UBR1: variants seen among roughly 807,000 people sequenced by gnomAD.
UBR1 encodes the protein E3 ubiquitin-protein ligase UBR1.
A neutral mutation model predicts 242.1 loss-of-function variants in UBR1; 102 were observed. The observed-to-expected ratio is 0.42, with a 90% confidence interval of 0.36 to 0.50. UBR1 has a LOEUF of 0.50. Ranked by LOEUF, UBR1 falls within the 20% of genes least tolerant of loss-of-function variation. The probability of loss-of-function intolerance (pLI) is 0.01; values close to 1 mark genes in which losing one functional copy is unlikely to be tolerated. For synonymous variants in UBR1, 675 were observed against 684.8 expected (o/e 0.99, Z 0.22); for missense variants, 1,772 against 2,101.8 (o/e 0.84, Z 3.07).
chr15:43,026,640 C>G lies in UBR1; in HGVS notation c.2456G>C (p.Gly819Ala). 6.2e-7 allele frequency: 1 copy of G among 1,612,886 alleles called. No homozygotes were observed. ...TFKKPGVSGH[G>A]VYELKDESLK... ...TGATTCATCTTTTAGTTCATAAACT[C>G]CATGGCCTGATACACCTGGTTTCCT... The change falls in exon 23 of 47, where the codon GGA (glycine) becomes GCA (alanine). Residue 819 changes from glycine (G) to alanine (A), a missense_variant. By Grantham distance (60) the Gly-to-Ala change is moderately conservative. Around this residue, in one of 3 missense-constraint regions of UBR1, gnomAD observed 73 missense variants for 128.9 expected, o/e 0.57. Transcript: ENST00000290650.
At chr15:43,069,966 G>A (rs1289875139) in intron 5 of UBR1, among the ~76,000 whole-genome samples, 1 of 152,106 alleles carries the variant, frequency 6.6e-6, no homozygotes, top group Admixed American at 6.5e-5. Context: ...AGCCTAATAA[G>A]AGTCAAAATA....
At chr15:43,012,405 G>A (rs572720034) in intron 29 of UBR1, among the ~76,000 whole-genome samples, 200 of 152,268 alleles carry the variant, frequency 1.3e-3, no homozygotes, top group African/African-American at 4.7e-3. Context: ...TGCATAGAAA[G>A]AGGTCTAAGA....
intron 6 of UBR1, among the ~76,000 whole-genome samples, chr15:43,066,931 T>C (rs1567141852): frequency 6.6e-6 from 1 of 152,164 alleles, no homozygotes; most frequent in Non-Finnish European, 1.5e-5. Flanking sequence ...GCCCCTAGAA[T>C]CTGCATTTTT....
At chr15:43,102,075 G>A (rs191718197) in intron 1 of UBR1, among the ~76,000 whole-genome samples, 1 of 151,360 alleles carries the variant, frequency 6.6e-6, no homozygotes, top group African/African-American at 2.4e-5. Context: ...GGGACAAAGA[G>A]GTTGCAATGA....
chr15:43,062,869 A>T (rs895327631), intron 6 of UBR1, among the ~76,000 whole-genome samples: 10 of 152,000 alleles, frequency 6.6e-5, no homozygotes, highest in African/African-American at 2.2e-4. Flanking sequence ...CCCAATTCTG[A>T]TTTCCTAGGC....
intron 39 of UBR1, among the ~76,000 whole-genome samples, chr15:42,974,132 C>A (rs986743806): frequency 6.6e-6 from 1 of 152,182 alleles, no homozygotes; most frequent in East Asian, 1.9e-4. Context: ...TCGTGATCTA[C>A]ACGCCTCAGC....
At position 42,963,977 on chromosome 15, in the gene UBR1, A is replaced by G; in HGVS notation, c.4658T>C (p.Leu1553Pro). The change falls in exon 42 of 47, where the codon CTC becomes CCC. Residue 1553 changes from leucine to proline, a missense_variant. By Grantham distance (98) the Leu-to-Pro change is moderately conservative (BLOSUM62 -3). Coordinates refer to ENST00000290650, the MANE Select transcript of UBR1 (RefSeq NM_174916.3). The part of the protein sequence containing the change: ...YLSLPTNLFL[L>P]FQEYWDTVRP... ...TACAGTATCCCAATATTCCTGGAAG[A>G]GCAGGAACAAATTTGTAGGTAAAGA... 6.2e-7 allele frequency: 1 copy of G among 1,613,700 alleles called. No homozygotes were observed. The highest frequency in any genetic ancestry group is 1.1e-5 in the South Asian group (1 of 91,076).
chr15:43,038,048 T>C, intron 16 of UBR1, 123 bp downstream of exon 16: 1 of 1,255,996 alleles, frequency 8.0e-7, no homozygotes, highest in Non-Finnish European at 1.1e-6. Context: ...TATATGAAGA[T>C]GTAAAATTAC....
intron 24 of UBR1, 112 bp downstream of exon 24, chr15:43,025,269 T>TA (rs1393290253): frequency 9.4e-7 from 1 of 1,064,228 alleles, no homozygotes; most frequent in East Asian, 2.6e-5. Context: ...TCTTTGCACT[T>TA]CCTTGAGTTG....
chr15:43,084,001 C>T (rs1000920618), intron 2 of UBR1, among the ~76,000 whole-genome samples: 55 of 152,040 alleles, frequency 3.6e-4, no homozygotes, highest in African/African-American at 1.3e-3. Context: ...GCTGAGATAG[C>T]GCCACTGTAC....
intron 40 of UBR1, 37 bp downstream of exon 40, chr15:42,970,483 T>G (rs1414052444): frequency 1.3e-6 from 2 of 1,580,242 alleles, no homozygotes; most frequent in South Asian, 2.2e-5. Flanking sequence ...AGAAATGGAA[T>G]TATTACAATA....
intron 1 of UBR1, among the ~76,000 whole-genome samples, chr15:43,086,699 CCTT>C (rs1277049233): frequency 2.0e-5 from 3 of 152,130 alleles, no homozygotes; most frequent in East Asian, 1.9e-4. Context: ...AGAAGTAAAA[CCTT>C]CTGCTCTTTA....
At chr15:43,063,268 T>C (rs1265265413) in intron 6 of UBR1, among the ~76,000 whole-genome samples, 1 of 152,146 alleles carries the variant, frequency 6.6e-6, no homozygotes, top group Non-Finnish European at 1.5e-5. Context: ...TAAGAAGAGA[T>C]AGGGCAAACA....
intron 6 of UBR1, among the ~76,000 whole-genome samples, chr15:43,065,974 G>C (rs1023986759): frequency 6.6e-5 from 10 of 152,114 alleles, no homozygotes; most frequent in Non-Finnish European, 1.3e-4. Context: ...AGTTTAATTA[G>C]ATCCCATTTA....
chr15:43,083,984 C>T (rs903862105), intron 2 of UBR1, among the ~76,000 whole-genome samples: 2 of 152,028 alleles, frequency 1.3e-5, no homozygotes, highest in South Asian at 2.1e-4. Flanking sequence ...GTGGAGGTTG[C>T]GGGTGAGCTG....
chr15:42,974,971 A>G (rs908614047), intron 39 of UBR1, among the ~76,000 whole-genome samples: 1 of 152,164 alleles, frequency 6.6e-6, no homozygotes, highest in African/African-American at 2.4e-5. Context: ...ATCTCAGCTC[A>G]CTGCAACCTC....
chr15:43,022,230 A>G (rs550638525), intron 26 of UBR1, among the ~76,000 whole-genome samples: 1 of 152,294 alleles, frequency 6.6e-6, no homozygotes, highest in East Asian at 1.9e-4. Context: ...GGTAGCATTT[A>G]TTAGAAATCT....
chr15:43,020,694 G>A (rs551831963), intron 27 of UBR1, among the ~76,000 whole-genome samples: 1 of 152,260 alleles, frequency 6.6e-6, no homozygotes, highest in South Asian at 2.1e-4. Flanking sequence ...CCACCCCTCT[G>A]ATCTCATTGC....
At chr15:43,095,809 C>T (rs1002561329) in intron 1 of UBR1, among the ~76,000 whole-genome samples, 1 of 152,122 alleles carries the variant, frequency 6.6e-6, no homozygotes, top group Non-Finnish European at 1.5e-5. Flanking sequence ...AAGGGAACTC[C>T]GAGGTAACCC....
Sources: allele counts gnomAD v4.1 joint callset (sites outside exome capture counted in the v4.1 genomes callset), GRCh38; gene constraint gnomAD v4.1.1; regional missense constraint gnomAD v4.1.1; transcripts MANE v1.5; gene names NCBI Gene and HGNC (gene_info 2026-07-23, HGNC 2026-07-21).